Variants in SYTL4 observed in about 807,000 individuals in gnomAD.
SYTL4 encodes synaptotagmin like 4.
A neutral mutation model predicts 52.7 loss-of-function variants in SYTL4; 16 were observed. The ratio of observed to expected loss-of-function variants is 0.30; its 90% CI spans 0.21 to 0.46. The LOEUF (loss-of-function observed/expected upper bound fraction) is 0.46, where lower values mean the gene tolerates loss of function less well. Ranked by LOEUF, SYTL4 falls within the 20% of genes least tolerant of loss-of-function variation. The probability of loss-of-function intolerance (pLI) is 1.00; values close to 1 mark genes in which losing one functional copy is unlikely to be tolerated. For missense variants in SYTL4, 423 were observed against 519.9 expected (o/e 0.81, Z 1.81); for synonymous variants, 160 against 186.6 (o/e 0.86, Z 1.16).
Position 100,679,406 on chromosome X carries a change from C to A in SYTL4, c.1565G>T (p.Gly522Val), listed in dbSNP as rs1319191822. 8.3e-7 allele frequency: 1 copy of A among 1,201,400 alleles called. No individual in the cohort carries two copies. Among genetic ancestry groups the A allele is most frequent in the African/African-American group, 1.8e-5 (1 of 56,906 alleles). ...PVGGDRKKSK[G>V]GEGGELQVWI... ...CACCTGGAGCTCTCCCCCTTCCCCACCTTTACCTGTAAGGGATGTCAGCCA... is the reference window on the plus strand; with the variant it reads ...CACCTGGAGCTCTCCCCCTTCCCCAACTTTACCTGTAAGGGATGTCAGCCA... Residue 522 changes from glycine (G) to valine (V), a missense_variant, in exon 18 of 20, where the codon GGT becomes GTT. Gly to Val is a moderately radical substitution (Grantham distance 109). Coordinates refer to ENST00000372989, the MANE Select transcript of SYTL4 (RefSeq NM_001370165.1).
At chrX:100,696,693 C>A (rs2083712608) in intron 8 of SYTL4, among the ~76,000 whole-genome samples, 1 of 111,258 alleles carries the variant, frequency 9.0e-6, no homozygotes, top group Non-Finnish European at 1.9e-5. Context: ...AACTTAGGAA[C>A]CCAACCCATA....
chrX:100,689,685 T>C (rs2083553540), intron 12 of SYTL4, among the ~76,000 whole-genome samples, 171 bp downstream of exon 12: 1 of 106,763 alleles, frequency 9.4e-6, no homozygotes, highest in South Asian at 4.4e-4. Flanking sequence ...GACAGTCCTT[T>C]CCTTTAAGCA....
intron 3 of SYTL4, among the ~76,000 whole-genome samples, chrX:100,704,324 G>A (rs767948373): frequency 3.6e-5 from 4 of 111,883 alleles, no homozygotes; most frequent in Non-Finnish European, 7.5e-5. Flanking sequence ...CACCTCAAAC[G>A]TTGTTTAAAA....
At chrX:100,699,715 C>G (rs1221886449) in intron 8 of SYTL4, among the ~76,000 whole-genome samples, 2 of 96,806 alleles carry the variant, frequency 2.1e-5, no homozygotes, top group African/African-American at 3.9e-5. Flanking sequence ...AGGATGGTCT[C>G]GATCTCCTGA....
At chrX:100,683,797 T>C (rs7877841) in intron 16 of SYTL4, among the ~76,000 whole-genome samples, 14,546 of 111,804 alleles carry the variant, frequency 0.13, 2,235 homozygotes, top group African/African-American at 0.45. Context: ...TCTTAAAAAT[T>C]GGAGTTTAGC....
At position 100,690,329 on chromosome X, in the gene SYTL4, C is replaced by T. The variant is rs755806314; in HGVS notation, c.718-164G>A. On this transcript the variant is annotated intron_variant, in intron 10 of 19. Coordinates refer to ENST00000372989, the MANE Select transcript of SYTL4 (RefSeq NM_001370165.1). ...CTAGAAATAGTACAAAACCTATTTTCTCACACATTTCAAACAAAACTTCAG... is the reference window on the plus strand; with the variant it reads ...CTAGAAATAGTACAAAACCTATTTTTTCACACATTTCAAACAAAACTTCAG... Among the ~76,000 whole-genome samples, 8 of 111,830 alleles carry T rather than the reference C, an allele frequency of 7.2e-5. No homozygotes were observed. In the South Asian group the frequency reaches 1.5e-3, roughly 21 times the overall value.
chrX:100,723,968 G>A (rs1229089033), intron 2 of SYTL4, among the ~76,000 whole-genome samples: 2 of 101,399 alleles, frequency 2.0e-5, no homozygotes, highest in East Asian at 3.3e-4. Flanking sequence ...AGGGAGGTGG[G>A]GGGGTCAGCC....
intron 2 of SYTL4, among the ~76,000 whole-genome samples, chrX:100,724,372 C>T (rs2084458489): frequency 1.9e-5 from 2 of 104,332 alleles, no homozygotes; most frequent in South Asian, 9.2e-4. Context: ...GGGAGGTGTA[C>T]CCAACAGCTC....
intron 10 of SYTL4, 73 bp downstream of exon 10, chrX:100,690,490 G>T: frequency 1.2e-6 from 1 of 834,243 alleles, no homozygotes. Flanking sequence ...GGGAAAGACG[G>T]AGGGAGACAG....
At position 100,686,685 on chromosome X, in the gene SYTL4, C is replaced by T. The variant is rs760537447; in HGVS notation, c.1281G>A (p.Thr427=). The change falls in exon 15 of 20, where the codon ACG becomes ACA. Residue 427 remains threonine, a synonymous_variant. Transcript: ENST00000372989. ...TTGAGGTCTAGATACTTACCCTCAGCGTCTCATCATATAGTGGATTAATAG... is the reference window on the plus strand; with the variant it reads ...TTGAGGTCTAGATACTTACCCTCAGTGTCTCATCATATAGTGGATTAATAG... ...RDTINPLYDE[T]LRYEIPESLL... 28 of 1,197,736 alleles carry T rather than the reference C, an allele frequency of 2.3e-5. No homozygotes were observed. The East Asian group carries it at 5.0e-4, about 22-fold the overall frequency.
chrX:100,690,061 G>A lies in SYTL4; in HGVS notation c.808+14C>T, dbSNP rs1470995413. On this transcript the variant is annotated intron_variant, in intron 11 of 19. Transcript: ENST00000372989. ...AACTTCAGTCCTGAAAGACCAGTAA[G>A]GGAAACCAGTTACCTGAAGGCCTGA... is the stretch of plus-strand genomic sequence containing the variant. 3.3e-6 allele frequency: 4 copies of A among 1,199,271 alleles called. No homozygotes were observed. The African/African-American group carries it at 7.0e-5, about 21-fold the overall frequency.
intron 2 of SYTL4, among the ~76,000 whole-genome samples, chrX:100,719,202 A>G (rs187956260): frequency 1.4e-3 from 160 of 111,612 alleles, no homozygotes; most frequent in African/African-American, 4.7e-3. Context: ...TAAGCACTTT[A>G]TTTAGTCCTC....
intron 17 of SYTL4, among the ~76,000 whole-genome samples, chrX:100,680,625 C>T (rs2083355858): frequency 9.0e-6 from 1 of 111,308 alleles, no homozygotes; most frequent in African/African-American, 3.3e-5. Context: ...ATGTTATCCC[C>T]TCTTCTGAAA....
At chrX:100,722,489 CA>C (rs1201751129) in intron 2 of SYTL4, among the ~76,000 whole-genome samples, 2 of 111,498 alleles carry the variant, frequency 1.8e-5, no homozygotes, top group East Asian at 5.6e-4. Context: ...TACCATCAGA[CA>C]AGTTCCTGCC....
chrX:100,701,424 G>C, intron 6 of SYTL4, 34 bp downstream of exon 6: 1 of 1,188,440 alleles, frequency 8.4e-7, no homozygotes, highest in Non-Finnish European at 1.1e-6. Flanking sequence ...CCAAGGCCTC[G>C]CCCCCTCTCT....
chrX:100,728,809 GGGCAGATCA>G (rs1420541939), intron 2 of SYTL4, among the ~76,000 whole-genome samples: 4 of 111,596 alleles, frequency 3.6e-5, no homozygotes, highest in African/African-American at 1.3e-4. Flanking sequence ...AGGCCGAGGA[GGGCAGATCA>G]CGAGGTCAGA....
chrX:100,723,228 T>C (rs1833902523), intron 2 of SYTL4, among the ~76,000 whole-genome samples: 1 of 111,727 alleles, frequency 9.0e-6, no homozygotes, highest in East Asian at 2.8e-4. Context: ...TGCCTGATTC[T>C]CCTGCCTCAG....
intron 2 of SYTL4, among the ~76,000 whole-genome samples, chrX:100,714,684 G>A (rs1182158993): frequency 1.8e-5 from 2 of 112,251 alleles, no homozygotes; most frequent in Non-Finnish European, 3.8e-5. Context: ...ATAAAAGACA[G>A]CAGGTTCAGG....
chrX:100,682,712 C>A (rs751471256), intron 16 of SYTL4, among the ~76,000 whole-genome samples: 4 of 110,584 alleles, frequency 3.6e-5, no homozygotes, highest in African/African-American at 6.6e-5. Flanking sequence ...GTCCCTCCCC[C>A]CAAAAAAAGA....
Sources: allele counts gnomAD v4.1 joint callset (sites outside exome capture counted in the v4.1 genomes callset), GRCh38; gene constraint gnomAD v4.1.1; transcripts MANE v1.5; gene names NCBI Gene and HGNC (gene_info 2026-07-23, HGNC 2026-07-21).